The following GPC6 variants were observed in gnomAD, a reference collection of about 807,000 sequenced individuals.
GPC6 encodes the protein glypican 6, also known as glypican-6.
GPC6 carries 14 observed loss-of-function variants against 55.2 expected under a neutral mutation model. The observed-to-expected ratio is 0.25, with a 90% CI of 0.17 to 0.40. The LOEUF is 0.40. Among genes scored for constraint, GPC6 ranks in the 10% least tolerant of loss-of-function variants. GPC6 has a pLI of 1.00. For synonymous variants in GPC6, 278 were observed against 259.6 expected, an observed-to-expected ratio of 1.07 and a Z score of -0.68; for missense variants, 641 against 708.5, an observed-to-expected ratio of 0.90 and a Z score of 1.08.
intron 4 of GPC6, among the ~76,000 whole-genome samples, chr13:94,106,745 A>T (rs994366963): frequency 1.3e-5 from 2 of 152,162 alleles, no homozygotes; most frequent in Non-Finnish European, 2.9e-5. Flanking sequence ...ACAAAAGATG[A>T]CCTTTCTCAG....
At chr13:94,009,499 G>A (rs1882155586) in intron 3 of GPC6, among the ~76,000 whole-genome samples, 1 of 152,186 alleles carries the variant, frequency 6.6e-6, no homozygotes, top group Non-Finnish European at 1.5e-5. Flanking sequence ...ATTTAGGACA[G>A]GTGAGAAGAA....
intron 2 of GPC6, among the ~76,000 whole-genome samples, chr13:93,696,403 G>A (rs1285618763): frequency 6.6e-6 from 1 of 152,030 alleles, no homozygotes; most frequent in African/African-American, 2.4e-5. Context: ...ATGAAATTTA[G>A]CAATCCTTTT....
chr13:93,561,344 A>G (rs1220528407), intron 2 of GPC6, among the ~76,000 whole-genome samples: 1 of 149,980 alleles, frequency 6.7e-6, no homozygotes, highest in African/African-American at 2.5e-5. Flanking sequence ...TCTATGAAAA[A>G]ATAATTTTTA....
intron 4 of GPC6, among the ~76,000 whole-genome samples, chr13:94,154,861 A>G (rs1156826018): frequency 1.3e-5 from 2 of 152,198 alleles, no homozygotes; most frequent in African/African-American, 2.4e-5. Context: ...TAAAGTATGT[A>G]TCTTCTGCAC....
chr13:93,592,612 GTATTAT>G (rs957358833), intron 2 of GPC6, among the ~76,000 whole-genome samples: 48 of 151,194 alleles, frequency 3.2e-4, no homozygotes, highest in African/African-American at 1.1e-3. Context: ...TTGCAAATGA[GTATTAT>G]TATTGCTAAA....
At chr13:93,986,154 T>C (rs1652022980) in intron 3 of GPC6, among the ~76,000 whole-genome samples, 1 of 152,208 alleles carries the variant, frequency 6.6e-6, no homozygotes, top group Admixed American at 6.5e-5. Flanking sequence ...TAATATTCTT[T>C]CTGTCTTTTA....
At chr13:94,039,476 C>T (rs74111413) in intron 4 of GPC6, among the ~76,000 whole-genome samples, 2,958 of 151,756 alleles carry the variant, frequency 0.019, 91 homozygotes, top group African/African-American at 0.063. Flanking sequence ...GAGGGCAAAG[C>T]AAAAAATACA....
At chr13:94,338,631 A>T (rs1479892054) in intron 6 of GPC6, among the ~76,000 whole-genome samples, 1 of 152,212 alleles carries the variant, frequency 6.6e-6, no homozygotes, top group East Asian at 1.9e-4. Flanking sequence ...GCCTCTACTG[A>T]GACCTAACCA....
At chr13:93,733,631 A>G (rs1382107394) in intron 2 of GPC6, among the ~76,000 whole-genome samples, 1 of 152,010 alleles carries the variant, frequency 6.6e-6, no homozygotes, top group Non-Finnish European at 1.5e-5. Context: ...AAGAGTTGGC[A>G]TGAAATGATT....
chr13:93,819,563 G>A (rs1207256926), intron 2 of GPC6, among the ~76,000 whole-genome samples: 1 of 152,194 alleles, frequency 6.6e-6, no homozygotes, highest in African/African-American at 2.4e-5. Context: ...AAGCAGATTT[G>A]CGGGCCAGGC....
rs1423820570 is a variant in GPC6 at position 93,350,601 on chromosome 13, C to T, written c.160+122985C>T. Among the ~76,000 whole-genome samples, 3 of 152,048 alleles carry T rather than the reference C, an allele frequency of 2.0e-5. No homozygotes were observed. In the East Asian group the frequency reaches 5.8e-4, roughly 29 times the overall value. ...TTTAAAATATCAAGGTGATCTGGAC[C>T]TTAAGGGCCTAAATTATTTCTGATC... On this transcript the variant is annotated intron_variant, in intron 1 of 8. Transcript: ENST00000377047.
intron 1 of GPC6, among the ~76,000 whole-genome samples, chr13:93,391,259 C>A: frequency 6.6e-6 from 1 of 152,118 alleles, no homozygotes; most frequent in East Asian, 1.9e-4. Flanking sequence ...TAATAACTAT[C>A]TTCTAAGCCA....
intron 1 of GPC6, among the ~76,000 whole-genome samples, chr13:93,480,692 A>G (rs933168959): frequency 6.6e-6 from 1 of 151,952 alleles, no homozygotes; most frequent in Non-Finnish European, 1.5e-5. Flanking sequence ...CTACTAATCT[A>G]CCTTCTGTCT....
At chr13:93,390,405 C>T (rs1334823986) in intron 1 of GPC6, among the ~76,000 whole-genome samples, 1 of 152,014 alleles carries the variant, frequency 6.6e-6, no homozygotes, top group African/African-American at 2.4e-5. Flanking sequence ...TCTGTAATGG[C>T]ACTTATAGAG....
intron 6 of GPC6, among the ~76,000 whole-genome samples, chr13:94,318,831 A>T (rs996471150): frequency 6.6e-6 from 1 of 152,192 alleles, no homozygotes; most frequent in Non-Finnish European, 1.5e-5. Flanking sequence ...ATCAGTATAT[A>T]TAGTGATTTC....
intron 2 of GPC6, among the ~76,000 whole-genome samples, chr13:93,730,085 T>C (rs1314317176): frequency 6.6e-6 from 1 of 152,176 alleles, no homozygotes; most frequent in Non-Finnish European, 1.5e-5. Context: ...CATTTACCCG[T>C]ATACTGATGT....
chr13:94,009,067 T>C (rs1882136954), intron 3 of GPC6, among the ~76,000 whole-genome samples: 1 of 152,214 alleles, frequency 6.6e-6, no homozygotes. Context: ...TTATTATTGA[T>C]ATTGATCAAA....
intron 1 of GPC6, among the ~76,000 whole-genome samples, chr13:93,478,161 G>T (rs189963859): frequency 1.1e-3 from 175 of 152,234 alleles, no homozygotes; most frequent in Admixed American, 2.0e-3. Context: ...GAACAAACTA[G>T]AAATGTTAGA....
intron 1 of GPC6, among the ~76,000 whole-genome samples, chr13:93,371,151 A>T (rs1213181106): frequency 6.6e-6 from 1 of 152,010 alleles, no homozygotes; most frequent in Admixed American, 6.6e-5. Context: ...TGACATATGC[A>T]TTTTTCCAAA....
Sources: allele counts gnomAD v4.1 joint callset (sites outside exome capture counted in the v4.1 genomes callset), GRCh38; gene constraint gnomAD v4.1.1; transcripts MANE v1.5; gene names NCBI Gene and HGNC (gene_info 2026-07-23, HGNC 2026-07-21).